The following CSMD1 variants were observed in gnomAD, a reference collection of about 807,000 sequenced individuals.
CSMD1 encodes CUB and sushi domain-containing protein 1.
A neutral mutation model predicts 417.5 loss-of-function variants in CSMD1; 213 were observed. The ratio of observed to expected loss-of-function variants is 0.51; its 90% CI spans 0.46 to 0.57. The LOEUF is 0.57. Ranked by LOEUF, CSMD1 falls within the 20% of genes least tolerant of loss-of-function variation. CSMD1 has a pLI of 0.00. For synonymous variants in CSMD1, 2,862 were observed against 1,736.8 expected, an observed-to-expected ratio of 1.65 and a Z score of -16.11; for missense variants, 6,923 against 4,529.7, an observed-to-expected ratio of 1.53 and a Z score of -15.17.
intron 3 of CSMD1, among the ~76,000 whole-genome samples, chr8:4,376,095 C>G (rs913510024): frequency 6.6e-6 from 1 of 152,196 alleles, no homozygotes; most frequent in Admixed American, 6.5e-5. Flanking sequence ...TATATCATAA[C>G]TAAGTAGGAC....
At chr8:4,993,100 C>A (rs1811562677) in intron 1 of CSMD1, among the ~76,000 whole-genome samples, 1 of 152,160 alleles carries the variant, frequency 6.6e-6, no homozygotes, top group African/African-American at 2.4e-5. Context: ...AATCACTCTT[C>A]CATCTGGACC....
At chr8:3,415,836 A>T (rs1813107989) in intron 12 of CSMD1, among the ~76,000 whole-genome samples, 1 of 152,240 alleles carries the variant, frequency 6.6e-6, no homozygotes, top group Non-Finnish European at 1.5e-5. Context: ...CTTTATTGGT[A>T]AAATGGATCT....
At chr8:4,285,174 T>TTA (rs919237300) in intron 3 of CSMD1, among the ~76,000 whole-genome samples, 56 of 152,326 alleles carry the variant, frequency 3.7e-4, no homozygotes, top group African/African-American at 1.3e-3. Context: ...TCCATGAATT[T>TTA]TATGTTTTTG....
intron 5 of CSMD1, among the ~76,000 whole-genome samples, chr8:3,950,613 C>T (rs1376337279): frequency 6.6e-6 from 1 of 152,196 alleles, no homozygotes; most frequent in African/African-American, 2.4e-5. Flanking sequence ...TAAGTCGTGG[C>T]TCAGCAGGAA....
intron 3 of CSMD1, among the ~76,000 whole-genome samples, chr8:4,276,655 T>A (rs183294574): frequency 6.6e-6 from 1 of 152,186 alleles, no homozygotes; most frequent in Non-Finnish European, 1.5e-5. Flanking sequence ...TTCAAAGTCT[T>A]ATTTTCCTTC....
chr8:4,509,197 CATT>C (rs1802692092), intron 2 of CSMD1, among the ~76,000 whole-genome samples: 1 of 152,034 alleles, frequency 6.6e-6, no homozygotes, highest in Non-Finnish European at 1.5e-5. Context: ...ATCATCCAAA[CATT>C]ATAAATTTGC....
intron 7 of CSMD1, among the ~76,000 whole-genome samples, chr8:3,641,024 CTTTTT>C (rs34851559): frequency 5.5e-4 from 56 of 102,722 alleles, no homozygotes; most frequent in Non-Finnish European, 7.4e-4. Context: ...TCCTTTTTTC[CTTTTT>C]TTTTTTTTTT....
At chr8:3,192,490 C>G (rs1405400304) in intron 33 of CSMD1, among the ~76,000 whole-genome samples, 1 of 152,082 alleles carries the variant, frequency 6.6e-6, no homozygotes, top group Admixed American at 6.5e-5. Context: ...TTATGAAACA[C>G]AGTAATTGTC....
Position 4,273,212 on chromosome 8 carries a change from G to T in CSMD1, c.415+146741C>A, listed in dbSNP as rs868415091. On this transcript the variant is annotated intron_variant, in intron 3 of 69. Coordinates refer to ENST00000635120, the MANE Select transcript of CSMD1 (RefSeq NM_033225.6). ...TTGTAAGAAGAATATACACTTGAATGACAGTCTTTCTCATAAAATATAACT... is the reference window on the plus strand; with the variant it reads ...TTGTAAGAAGAATATACACTTGAATTACAGTCTTTCTCATAAAATATAACT... Among the ~76,000 whole-genome samples the T allele has an allele frequency of 3.5e-4, 53 of 152,256 alleles. No individual in the cohort carries two copies. The Middle Eastern group carries it at 0.02, about 59-fold the overall frequency.
chr8:4,850,221 T>C (rs1801385905), intron 1 of CSMD1, among the ~76,000 whole-genome samples: 1 of 152,280 alleles, frequency 6.6e-6, no homozygotes, highest in South Asian at 2.1e-4. Flanking sequence ...ATCTGTCATT[T>C]TATTACTGAG....
chr8:3,682,619 T>C (rs768225338), intron 7 of CSMD1, among the ~76,000 whole-genome samples: 14 of 152,216 alleles, frequency 9.2e-5, no homozygotes, highest in Non-Finnish European at 1.9e-4. Context: ...TCAACCATTG[T>C]GGAAGACAGT....
intron 2 of CSMD1, among the ~76,000 whole-genome samples, chr8:4,626,483 G>C (rs1195213761): frequency 6.6e-6 from 1 of 152,116 alleles, no homozygotes; most frequent in Non-Finnish European, 1.5e-5. Flanking sequence ...CAACATTTGA[G>C]CTTGGGAAGT....
intron 1 of CSMD1, among the ~76,000 whole-genome samples, chr8:4,647,993 T>C (rs931274100): frequency 1.8e-4 from 27 of 152,344 alleles, no homozygotes; most frequent in African/African-American, 6.0e-4. Context: ...ACTGCCACAC[T>C]GTCTTCCTCA....
rs1166240977 is a variant in CSMD1 at position 3,262,196 on chromosome 8, T to G, written c.4153+21948A>C. On this transcript the variant is annotated intron_variant, in intron 26 of 69. Transcript: ENST00000635120. ...TTATGCTCATATGAATATATATATA[T>G]ATATATATATATATATATATATATA... is the stretch of plus-strand genomic sequence containing the variant. 9.1e-4 allele frequency among the ~76,000 whole-genome samples: 68 copies of G among 74,532 alleles called. 2 individuals carry two copies. Among genetic ancestry groups the G allele is most frequent in the African/African-American group, 3.2e-3 (64 of 19,936 alleles). The allele number at this position is 74,532 out of a possible 152,430, so 48.9% of individuals were successfully genotyped here. A position where few individuals can be genotyped will look rare whatever the true frequency, so the allele number is the denominator to read the frequency against.
At chr8:2,997,581 C>T (rs1396316594) in intron 54 of CSMD1, among the ~76,000 whole-genome samples, 5 of 152,102 alleles carry the variant, frequency 3.3e-5, no homozygotes, top group South Asian at 4.1e-4. Context: ...TTCTTGGAAA[C>T]TCAGATTTAG....
chr8:3,790,182 G>C (rs1041639881), intron 5 of CSMD1, among the ~76,000 whole-genome samples: 5 of 152,180 alleles, frequency 3.3e-5, no homozygotes, highest in Admixed American at 1.3e-4. Flanking sequence ...TACATAATCA[G>C]AACTCTTTTG....
At chr8:3,220,745 C>T (rs750655064) in intron 28 of CSMD1, among the ~76,000 whole-genome samples, 1 of 152,116 alleles carries the variant, frequency 6.6e-6, no homozygotes, top group South Asian at 2.1e-4. Flanking sequence ...GCAGAAGAAT[C>T]GCTTGAACCC....
At chr8:3,960,144 A>T (rs765420866) in intron 5 of CSMD1, among the ~76,000 whole-genome samples, 4 of 152,198 alleles carry the variant, frequency 2.6e-5, no homozygotes, top group Non-Finnish European at 4.4e-5. Flanking sequence ...AAACTTACAG[A>T]CATTTTTTAC....
At chr8:4,661,900 C>T (rs552297064) in intron 1 of CSMD1, among the ~76,000 whole-genome samples, 135 of 152,202 alleles carry the variant, frequency 8.9e-4, no homozygotes, top group African/African-American at 3.0e-3. Flanking sequence ...CAAGAATATA[C>T]GTAAATCACA....
Sources: allele counts gnomAD v4.1 joint callset (sites outside exome capture counted in the v4.1 genomes callset), GRCh38; gene constraint gnomAD v4.1.1; transcripts MANE v1.5; gene names NCBI Gene and HGNC (gene_info 2026-07-23, HGNC 2026-07-21).